Variants in ARMC9 observed in about 807,000 individuals in gnomAD.
ARMC9 encodes the protein lisH domain-containing protein ARMC9.
In ARMC9, 94 loss-of-function variants were observed where a neutral mutation model predicts 107.0. The observed-to-expected ratio is 0.88, with a 90% CI of 0.74 to 1.04. The LOEUF (loss-of-function observed/expected upper bound fraction) is 1.04. Ranked by LOEUF, ARMC9 falls within the 50% of genes least tolerant of loss-of-function variation. The pLI, the probability that ARMC9 is intolerant of heterozygous loss-of-function variation, is 0.00. For missense variants in ARMC9, 942 were observed against 1,030.1 expected (o/e 0.91, Z 1.17); for synonymous variants, 380 against 396.9 (o/e 0.96, Z 0.51).
chr2:231,304,451 A>G (rs1392588959), intron 19 of ARMC9, among the ~76,000 whole-genome samples: 3 of 152,144 alleles, frequency 2.0e-5, no homozygotes, highest in Non-Finnish European at 4.4e-5. Flanking sequence ...CTGGAGTGCA[A>G]TGGTGCCATC....
rs71296842 is a variant in ARMC9 at position 231,324,123 on chromosome 2, C to CTTTTTTTTTT, written c.1774-7657_1774-7648dup. On this transcript the variant is annotated intron_variant, in intron 19 of 24. Coordinates refer to ENST00000611582, the MANE Select transcript of ARMC9 (RefSeq NM_001352754.2). Reference sequence around the variant, plus strand: ...TCTCAGCAAATTTAATTGTAAAGTACTTTTTTTTTTTTTTTTTTTTTTGTG... The same window carrying CTTTTTTTTTT: ...TCTCAGCAAATTTAATTGTAAAGTACTTTTTTTTTTTTTTTTTTTTTTTTTTTTTTTTGTG... Among the ~76,000 whole-genome samples the CTTTTTTTTTT allele has an allele frequency of 9.3e-4, 83 of 89,240 alleles. 1 individual carries two copies. Among genetic ancestry groups the CTTTTTTTTTT allele is most frequent in the Admixed American group, 1.2e-3 (8 of 6,560 alleles). 58.5% of individuals were successfully genotyped at this position (89,240 alleles called of 152,430 possible). A position where few individuals can be genotyped will look rare whatever the true frequency, so the allele number is the denominator to read the frequency against.
chr2:231,217,055 G>T (rs2033587877), intron 5 of ARMC9, among the ~76,000 whole-genome samples: 1 of 152,112 alleles, frequency 6.6e-6, no homozygotes, highest in Non-Finnish European at 1.5e-5. Context: ...TTAACACTTT[G>T]TAATAGCAAA....
intron 7 of ARMC9, among the ~76,000 whole-genome samples, chr2:231,231,514 G>A (rs1217937201): frequency 6.6e-6 from 1 of 151,982 alleles, no homozygotes; most frequent in African/African-American, 2.4e-5. Context: ...CACCTGAGTA[G>A]CTGGGATTAC....
rs1466492723 is a variant in ARMC9 at position 231,371,980 on chromosome 2, T to C, written c.*445T>C. On this transcript the variant is annotated 3_prime_UTR_variant, in exon 25 of 25. Transcript: ENST00000611582. ...GCCAGCCCTCCTCACTTGGGCTGAC[T>C]ACCAGGACCCAGAAGGAACTCAGGG... is the stretch of plus-strand genomic sequence containing the variant. 1 of 167,190 alleles carries C rather than the reference T, an allele frequency of 6.0e-6. No homozygotes were observed. Among genetic ancestry groups the C allele is most frequent in the Non-Finnish European group, 1.3e-5 (1 of 78,386 alleles). The allele number at this position is 167,190 out of a possible 1,614,324, so 10.4% of individuals were successfully genotyped here. A position where few individuals can be genotyped will look rare whatever the true frequency, so the allele number is the denominator to read the frequency against.
chr2:231,290,554 G>T (rs537239896), intron 17 of ARMC9, among the ~76,000 whole-genome samples: 1 of 152,298 alleles, frequency 6.6e-6, no homozygotes, highest in Admixed American at 6.5e-5. Context: ...TAGAGGCCTC[G>T]TCAGCTCAAG....
At chr2:231,294,967 C>T (rs1022345714) in intron 18 of ARMC9, 1 of 152,222 alleles carries the variant, frequency 6.6e-6, no homozygotes, top group African/African-American at 2.4e-5. Flanking sequence ...CCAGTGAAGT[C>T]AGTGGAGTCC....
In ARMC9 at chr2:231,273,068, T is replaced by C; in HGVS notation, c.1324T>C (p.Phe442Leu). 1 of 1,613,474 alleles carries C rather than the reference T, an allele frequency of 6.2e-7. No individual in the cohort carries two copies. Among genetic ancestry groups the C allele is most frequent in the East Asian group, 2.2e-5 (1 of 44,872 alleles). Residue 442 changes from phenylalanine (F) to leucine (L), a missense_variant, in exon 14 of 25, where the codon TTC (phenylalanine) becomes CTC (leucine). Phe to Leu is a conservative substitution (Grantham distance 22). Coordinates refer to ENST00000611582, the MANE Select transcript of ARMC9 (RefSeq NM_001352754.2). ...GAATGTTCTTGGGGCCCTGCAGAAG[T>C]TCAGTCTCAGGTAACGACTGTGCAA... ...RENVLGALQK[F>L]SLRRPLQTAM...
chr2:231,301,952 C>T (rs2041757583), intron 19 of ARMC9, among the ~76,000 whole-genome samples: 1 of 151,978 alleles, frequency 6.6e-6, no homozygotes, highest in African/African-American at 2.4e-5. Flanking sequence ...GCACTCCAGC[C>T]TGGGCAGAGC....
intron 23 of ARMC9, among the ~76,000 whole-genome samples, chr2:231,368,119 G>A (rs2045886917): frequency 1.3e-5 from 2 of 151,986 alleles, no homozygotes; most frequent in African/African-American, 4.8e-5. Context: ...CGTTATACCT[G>A]CATCAGAATA....
chr2:231,368,608 A>C (rs1003501192), intron 23 of ARMC9, among the ~76,000 whole-genome samples: 53 of 152,156 alleles, frequency 3.5e-4, no homozygotes, highest in African/African-American at 1.2e-3. Context: ...ATTTGGGGGA[A>C]TAGTGTTATG....
intron 7 of ARMC9, among the ~76,000 whole-genome samples, chr2:231,233,885 G>T (rs997402292): frequency 4.6e-5 from 7 of 152,058 alleles, no homozygotes; most frequent in African/African-American, 1.7e-4. Context: ...ACCTTCTCTA[G>T]GTCAGCCATT....
chr2:231,370,379 G>GA (rs1224369764), intron 24 of ARMC9, among the ~76,000 whole-genome samples: 3 of 152,172 alleles, frequency 2.0e-5, no homozygotes, highest in African/African-American at 7.2e-5. Flanking sequence ...TCAAGCTGAG[G>GA]AGTGAGACCT....
At chr2:231,200,123 A>C (rs1382124250) in intron 1 of ARMC9, among the ~76,000 whole-genome samples, 2 of 152,184 alleles carry the variant, frequency 1.3e-5, no homozygotes, top group African/African-American at 2.4e-5. Flanking sequence ...GGTGATGTTT[A>C]TTAGGCACAG....
chr2:231,299,263 A>G (rs1449730960), intron 19 of ARMC9, among the ~76,000 whole-genome samples: 1 of 152,252 alleles, frequency 6.6e-6, no homozygotes, highest in Non-Finnish European at 1.5e-5. Context: ...GAAAAAGGAA[A>G]TCATAAAGTA....
chr2:231,250,564 G>T (rs979559389), intron 9 of ARMC9, among the ~76,000 whole-genome samples: 1 of 152,160 alleles, frequency 6.6e-6, no homozygotes, highest in Non-Finnish European at 1.5e-5. Flanking sequence ...CATGCTCCCA[G>T]AGGGGAGGGT....
At chr2:231,232,187 G>A (rs920167170) in intron 7 of ARMC9, among the ~76,000 whole-genome samples, 2 of 151,122 alleles carry the variant, frequency 1.3e-5, no homozygotes, top group South Asian at 2.1e-4. Flanking sequence ...CACCACGCCC[G>A]GCTAATTTTT....
chr2:231,345,101 G>C lies in ARMC9; in HGVS notation c.1994+11G>C. 6.2e-7 allele frequency: 1 copy of C among 1,610,282 alleles called. No homozygotes were observed. Among genetic ancestry groups the C allele is most frequent in the Non-Finnish European group, 8.5e-7 (1 of 1,179,106 alleles). ...AAACGGGTACCCAGTGTAAGTCAGG[G>C]CTAAAGGAAGCGGGAATTGACTTTC... On this transcript the variant is annotated intron_variant, in intron 21 of 24. Coordinates refer to ENST00000611582, the MANE Select transcript of ARMC9 (RefSeq NM_001352754.2).
chr2:231,243,888 G>C (rs774002887), intron 9 of ARMC9, among the ~76,000 whole-genome samples: 1 of 152,188 alleles, frequency 6.6e-6, no homozygotes, highest in African/African-American at 2.4e-5. Context: ...TGGACTGATA[G>C]GATTTAGGAT....
At chr2:231,259,830 TA>T (rs1303075268) in intron 11 of ARMC9, among the ~76,000 whole-genome samples, 2 of 151,946 alleles carry the variant, frequency 1.3e-5, no homozygotes, top group Non-Finnish European at 2.9e-5. Flanking sequence ...CCATCTCTAC[TA>T]AAAATACAAA....
Sources: allele counts gnomAD v4.1 joint callset (sites outside exome capture counted in the v4.1 genomes callset), GRCh38; gene constraint gnomAD v4.1.1; transcripts MANE v1.5; gene names NCBI Gene and HGNC (gene_info 2026-07-23, HGNC 2026-07-21).